The following PTPRD variants were observed in gnomAD, a reference collection of about 807,000 sequenced individuals.
PTPRD encodes receptor-type tyrosine-protein phosphatase delta.
In PTPRD, 34 loss-of-function variants were observed where a neutral mutation model predicts 214.5. That is an observed-to-expected ratio of 0.16 (90% CI 0.12 to 0.21). The LOEUF is 0.21. PTPRD is among the 10% of genes least tolerant of loss of function. PTPRD has a pLI of 1.00. For synonymous variants in PTPRD, 1,128 were observed against 845.7 expected (o/e 1.33, Z -5.79); for missense variants, 2,545 against 2,398.7 (o/e 1.06, Z -1.27).
rs114291418 is a variant in PTPRD at position 8,969,204 on chromosome 9, C to T, written c.-104+49493G>A. On this transcript the variant is annotated intron_variant, in intron 11 of 45. Coordinates refer to ENST00000381196, the MANE Select transcript of PTPRD (RefSeq NM_002839.4). ...CATCACTTTTCACTCATGGTATTAA[C>T]GAAAATTAAAAAGCCGAATCGTGCC... Among the ~76,000 whole-genome samples the T allele has an allele frequency of 3.8e-3, 572 of 152,044 alleles. 1 individual carries two copies. Among genetic ancestry groups the T allele is most frequent in the African/African-American group, 0.013 (524 of 41,506 alleles).
intron 5 of PTPRD, among the ~76,000 whole-genome samples, chr9:9,807,743 T>G (rs2045890749): frequency 6.6e-6 from 1 of 152,212 alleles, no homozygotes; most frequent in Non-Finnish European, 1.5e-5. Flanking sequence ...TCTTGATCGC[T>G]GAAAATTTCA....
At chr9:10,074,504 G>A (rs962478496) in intron 3 of PTPRD, among the ~76,000 whole-genome samples, 4 of 152,102 alleles carry the variant, frequency 2.6e-5, no homozygotes, top group African/African-American at 9.7e-5. Flanking sequence ...TTTAAAAGGT[G>A]TGAGAACATT....
intron 9 of PTPRD, among the ~76,000 whole-genome samples, chr9:9,371,080 TG>T (rs1439037449): frequency 1.2e-4 from 16 of 137,856 alleles, no homozygotes; most frequent in African/African-American, 5.0e-4. Context: ...TCTCTTTTTT[TG>T]TTTTTTTCTC....
chr9:8,371,433 C>T lies in PTPRD; in HGVS notation c.4661+4503G>A, dbSNP rs539324196. ...TCATGCCTTCTGAGATCTCAAGGTACGTATGATCTGCACACATATAGCTAA... is the reference window on the plus strand; with the variant it reads ...TCATGCCTTCTGAGATCTCAAGGTATGTATGATCTGCACACATATAGCTAA... On this transcript the variant is annotated intron_variant, in intron 39 of 45. Coordinates refer to ENST00000381196, the MANE Select transcript of PTPRD (RefSeq NM_002839.4). Among the ~76,000 whole-genome samples the T allele has an allele frequency of 1.7e-4, 26 of 152,066 alleles. 2 individuals carry two copies. The South Asian group carries it at 4.8e-3, about 28-fold the overall frequency.
At chr9:10,446,417 CTTTTT>C (rs34478548) in intron 2 of PTPRD, among the ~76,000 whole-genome samples, 5,682 of 92,908 alleles carry the variant, frequency 0.061, 118 homozygotes, top group African/African-American at 0.14. Flanking sequence ...CTATTTTTTT[CTTTTT>C]TTTTTTTTTT....
At chr9:9,810,027 G>A (rs937064249) in intron 5 of PTPRD, among the ~76,000 whole-genome samples, 1 of 149,850 alleles carries the variant, frequency 6.7e-6, no homozygotes, top group Non-Finnish European at 1.5e-5. Flanking sequence ...AAGTGTGCCT[G>A]CCTCTCCTGC....
chr9:10,259,025 TG>T (rs1228412392), intron 3 of PTPRD, among the ~76,000 whole-genome samples: 2 of 152,078 alleles, frequency 1.3e-5, no homozygotes, highest in African/African-American at 4.8e-5. Context: ...TTTTGTTTTT[TG>T]TTTTTTTTGT....
At chr9:9,223,564 A>G (rs2099957530) in intron 9 of PTPRD, among the ~76,000 whole-genome samples, 1 of 152,038 alleles carries the variant, frequency 6.6e-6, no homozygotes, top group South Asian at 2.1e-4. Flanking sequence ...TATGCCTAAC[A>G]AATGCCTTCA....
At chr9:9,349,903 T>G (rs1057475959) in intron 9 of PTPRD, among the ~76,000 whole-genome samples, 19 of 152,054 alleles carry the variant, frequency 1.2e-4, no homozygotes, top group African/African-American at 4.3e-4. Context: ...ACACAAAAAC[T>G]TAAAAGGAAG....
At chr9:10,148,911 T>C (rs2099042220) in intron 3 of PTPRD, among the ~76,000 whole-genome samples, 3 of 152,318 alleles carry the variant, frequency 2.0e-5, no homozygotes, top group South Asian at 4.1e-4. Context: ...GGTCTATATT[T>C]AGCTTTTCTA....
Position 8,460,542 on chromosome 9 carries a change from G to A in PTPRD, c.3744C>T (p.Asp1248=), listed in dbSNP as rs2134158386. Residue 1248 remains aspartate (D), a synonymous_variant, in exon 33 of 46, where the codon GAC becomes GAT. Coordinates refer to ENST00000381196, the MANE Select transcript of PTPRD (RefSeq NM_002839.4). ...GATCCAGATCCATTGACACCACGGG[G>A]TCGGAGTAAGGGCTGGTTGCATACA... The part of the protein sequence containing the change: ...SKMYATSPYS[D]PVVSMDLDPQ... 6.2e-7 allele frequency: 1 copy of A among 1,613,364 alleles called. No individual in the cohort carries two copies. The highest frequency in any genetic ancestry group is 1.1e-5 in the South Asian group (1 of 91,058).
intron 10 of PTPRD, among the ~76,000 whole-genome samples, chr9:9,115,585 C>G (rs1332300997): frequency 6.6e-6 from 1 of 152,108 alleles, no homozygotes; most frequent in African/African-American, 2.4e-5. Context: ...TCTCAAAGAA[C>G]TGAAAGAAGA....
At chr9:10,111,808 G>A (rs556622443) in intron 3 of PTPRD, among the ~76,000 whole-genome samples, 1 of 152,250 alleles carries the variant, frequency 6.6e-6, no homozygotes, top group South Asian at 2.1e-4. Flanking sequence ...GCTCTGTGAT[G>A]GCAGACACAT....
At chr9:9,339,296 T>C (rs2045838595) in intron 9 of PTPRD, among the ~76,000 whole-genome samples, 2 of 149,362 alleles carry the variant, frequency 1.3e-5, no homozygotes, top group African/African-American at 2.5e-5. Flanking sequence ...GCTAACATGG[T>C]GAAACCCCAT....
At chr9:9,767,516 T>C (rs1394803901) in intron 5 of PTPRD, among the ~76,000 whole-genome samples, 4 of 152,064 alleles carry the variant, frequency 2.6e-5, no homozygotes, top group African/African-American at 9.7e-5. Context: ...CAGTGTCACA[T>C]TTCTAAATAT....
In PTPRD at chr9:10,231,172, G is replaced by A. The variant is rs146704362; in HGVS notation, c.-545+109791C>T. Among the ~76,000 whole-genome samples the A allele has an allele frequency of 5.2e-3, 788 of 152,004 alleles. 4 individuals are homozygous for A. The highest frequency in any genetic ancestry group is 0.018 in the African/African-American group (738 of 41,492). ...AAGTAACAGTTGACTCCAATTAAGCGTTCAAGTTTTAATCAAGTGTGACAT... is the reference window on the plus strand; with the variant it reads ...AAGTAACAGTTGACTCCAATTAAGCATTCAAGTTTTAATCAAGTGTGACAT... On this transcript the variant is annotated intron_variant, in intron 3 of 45. Transcript: ENST00000381196.
At chr9:8,382,150 T>C (rs2085301282) in intron 37 of PTPRD, among the ~76,000 whole-genome samples, 1 of 152,182 alleles carries the variant, frequency 6.6e-6, no homozygotes, top group Admixed American at 6.5e-5. Flanking sequence ...ATATAATTTA[T>C]AGGTACCAGC....
At chr9:9,665,126 G>T (rs2096694371) in intron 7 of PTPRD, among the ~76,000 whole-genome samples, 1 of 151,550 alleles carries the variant, frequency 6.6e-6, no homozygotes, top group Non-Finnish European at 1.5e-5. Context: ...TATGTGGGGA[G>T]AGAGAGAGGG....
chr9:9,856,240 T>C (rs1002514016), intron 5 of PTPRD, among the ~76,000 whole-genome samples: 2 of 152,124 alleles, frequency 1.3e-5, no homozygotes, highest in African/African-American at 4.8e-5. Context: ...TCTTCCTCTC[T>C]GCCAGATGAG....
Sources: allele counts gnomAD v4.1 joint callset (sites outside exome capture counted in the v4.1 genomes callset), GRCh38; gene constraint gnomAD v4.1.1; transcripts MANE v1.5; gene names NCBI Gene and HGNC (gene_info 2026-07-23, HGNC 2026-07-21).